Variants in SH3RF3 observed in about 807,000 individuals in gnomAD.
SH3RF3 encodes SH3 domain containing ring finger 3, also known as E3 ubiquitin-protein ligase SH3RF3.
SH3RF3 carries 29 observed loss-of-function variants against 66.3 expected under a neutral mutation model. The ratio of observed to expected loss-of-function variants is 0.44; its 90% confidence interval spans 0.33 to 0.60. The LOEUF (loss-of-function observed/expected upper bound fraction) is 0.60. Ranked by LOEUF, SH3RF3 falls within the 20% of genes least tolerant of loss-of-function variation. SH3RF3 has a pLI of 0.04. For missense variants in SH3RF3, 1,194 were observed against 1,190.9 expected (o/e 1.00, Z -0.04); for synonymous variants, 583 against 532.0 (o/e 1.10, Z -1.32).
chr2:109,216,528 C>G (rs1679103899), intron 1 of SH3RF3, among the ~76,000 whole-genome samples: 1 of 152,204 alleles, frequency 6.6e-6, no homozygotes, highest in Admixed American at 6.5e-5. Context: ...AAGTGCCTTG[C>G]TTCTGTGATA....
At chr2:109,255,225 T>G (rs531175806) in intron 1 of SH3RF3, among the ~76,000 whole-genome samples, 2 of 152,294 alleles carry the variant, frequency 1.3e-5, no homozygotes, top group South Asian at 4.1e-4. Context: ...TGTTGGGGCT[T>G]CGGAATAGTG....
At chr2:109,132,657 C>T (rs1173538713) in intron 1 of SH3RF3, among the ~76,000 whole-genome samples, 1 of 152,200 alleles carries the variant, frequency 6.6e-6, no homozygotes, top group Non-Finnish European at 1.5e-5. Context: ...AAAGTGTGTT[C>T]ATATGTGTTA....
intron 3 of SH3RF3, among the ~76,000 whole-genome samples, chr2:109,384,390 G>A (rs1675771111): frequency 6.6e-6 from 1 of 152,126 alleles, no homozygotes; most frequent in African/African-American, 2.4e-5. Context: ...CTCGGGACTT[G>A]GCAGGGAAAG....
chr2:109,166,459 G>GAAAAAAAAAAAAAA (rs386390872), intron 1 of SH3RF3, among the ~76,000 whole-genome samples: 1 of 134,326 alleles, frequency 7.4e-6, no homozygotes, highest in Admixed American at 7.6e-5. Flanking sequence ...CCTGGTGACA[G>GAAAAAAAAAAAAAA]AAAAAAAAAA....
At chr2:109,421,896 A>G (rs186739043) in intron 5 of SH3RF3, among the ~76,000 whole-genome samples, 47 of 152,326 alleles carry the variant, frequency 3.1e-4, no homozygotes, top group African/African-American at 1.1e-3. Context: ...ATGCCAGGCA[A>G]CATTACATAC....
intron 5 of SH3RF3, among the ~76,000 whole-genome samples, chr2:109,427,315 A>C (rs1677052974): frequency 6.6e-6 from 1 of 152,232 alleles, no homozygotes. Context: ...TTTAGACATA[A>C]TGCTATCGCA....
chr2:109,313,315 T>C (rs1419080114), intron 1 of SH3RF3, among the ~76,000 whole-genome samples: 1 of 152,230 alleles, frequency 6.6e-6, no homozygotes, highest in Non-Finnish European at 1.5e-5. Context: ...GGGGGGAGGC[T>C]GGCATCTGTG....
rs1357488188 is a variant in SH3RF3, at chr2:109,129,544, C to G, written c.4C>G (p.Leu2Val). 11 of 1,495,756 alleles carry G rather than the reference C, an allele frequency of 7.4e-6. No homozygotes were observed. Among genetic ancestry groups the G allele is most frequent in the Non-Finnish European group, 8.0e-6 (9 of 1,129,894 alleles). The allele number at this position is 1,495,756 out of a possible 1,614,324, so 92.7% of individuals were successfully genotyped here. Residue 2 changes from leucine to valine, a missense_variant, in exon 1 of 10, where the codon CTG becomes GTG. Transcript: ENST00000309415. ...GACCGCTGCGGGCGCCTCCCCCATG[C>G]TGCTCGGAGCGTCCTGGCTGTGCGC... M[L>V]LGASWLCASK...
At chr2:109,287,176 A>C (rs1681047832) in intron 1 of SH3RF3, among the ~76,000 whole-genome samples, 1 of 152,224 alleles carries the variant, frequency 6.6e-6, no homozygotes, top group African/African-American at 2.4e-5. Context: ...TATATGCCAC[A>C]GAATTTTGCA....
intron 1 of SH3RF3, among the ~76,000 whole-genome samples, chr2:109,171,886 C>T (rs891417): frequency 0.82 from 124,886 of 152,296 alleles, 51,335 homozygotes; most frequent in East Asian, 0.89. Flanking sequence ...TTTGAAACTC[C>T]CATTCTGTGT....
chr2:109,170,987 A>G (rs934288), intron 1 of SH3RF3, among the ~76,000 whole-genome samples: 2 of 152,098 alleles, frequency 1.3e-5, no homozygotes, highest in Non-Finnish European at 2.9e-5. Context: ...GGCGCTCCCC[A>G]CAGGAACCAA....
At chr2:109,207,607 C>A (rs1678871707) in intron 1 of SH3RF3, among the ~76,000 whole-genome samples, 1 of 152,084 alleles carries the variant, frequency 6.6e-6, no homozygotes, top group South Asian at 2.1e-4. Context: ...AATAAAGATG[C>A]AATGGAGCCC....
At chr2:109,293,182 G>T (rs529340902) in intron 1 of SH3RF3, among the ~76,000 whole-genome samples, 1 of 152,346 alleles carries the variant, frequency 6.6e-6, no homozygotes, top group East Asian at 1.9e-4. Flanking sequence ...GGCCTCCGAT[G>T]GTGCTGTGTG....
intron 1 of SH3RF3, among the ~76,000 whole-genome samples, chr2:109,339,045 C>T (rs1682495312): frequency 6.6e-6 from 1 of 152,118 alleles, no homozygotes; most frequent in Non-Finnish European, 1.5e-5. Flanking sequence ...GTATTTACTA[C>T]TCATTAAGTG....
In SH3RF3 at chr2:109,501,846, C is replaced by G; in HGVS notation, c.*175C>G. 1.7e-6 allele frequency: 1 copy of G among 585,046 alleles called. No individual in the cohort carries two copies. The highest frequency in any genetic ancestry group is 3.0e-6 in the Non-Finnish European group (1 of 328,180). The allele number at this position is 585,046 out of a possible 1,614,324, so 36.2% of individuals were successfully genotyped here. ...GGACTGTGGAGGTCGTGCCTTCTCCCAAAACCCCCAAACGGAGAGCACACC... is the reference window on the plus strand; with the variant it reads ...GGACTGTGGAGGTCGTGCCTTCTCCGAAAACCCCCAAACGGAGAGCACACC... On this transcript the variant is annotated 3_prime_UTR_variant, in exon 10 of 10. Transcript: ENST00000309415.
intron 1 of SH3RF3, among the ~76,000 whole-genome samples, chr2:109,179,893 C>G (rs895020690): frequency 3.2e-4 from 49 of 152,128 alleles, no homozygotes; most frequent in African/African-American, 1.2e-3. Context: ...CAGGAAAATA[C>G]AGGGGTCAAA....
At chr2:109,232,715 TGGTGATGGAAC>T (rs1193945710) in intron 1 of SH3RF3, among the ~76,000 whole-genome samples, 4 of 152,198 alleles carry the variant, frequency 2.6e-5, no homozygotes, top group Admixed American at 2.6e-4. Context: ...GGAAGCATCA[TGGTGATGGAAC>T]CAGGAGCTCT....
chr2:109,322,412 C>T (rs1204187971), intron 1 of SH3RF3, among the ~76,000 whole-genome samples: 2 of 152,162 alleles, frequency 1.3e-5, no homozygotes, highest in African/African-American at 4.8e-5. Context: ...ATCCAGGAGC[C>T]TGAACTAGGA....
intron 8 of SH3RF3, among the ~76,000 whole-genome samples, chr2:109,476,958 G>C (rs1364746309): frequency 6.6e-6 from 1 of 152,144 alleles, no homozygotes; most frequent in Non-Finnish European, 1.5e-5. Context: ...TCACCACCTT[G>C]GTTTTGGTGG....
Sources: allele counts gnomAD v4.1 joint callset (sites outside exome capture counted in the v4.1 genomes callset), GRCh38; gene constraint gnomAD v4.1.1; transcripts MANE v1.5; gene names NCBI Gene and HGNC (gene_info 2026-07-23, HGNC 2026-07-21).